Variants in ST6GALNAC3 observed in about 807,000 individuals in gnomAD.
ST6GALNAC3 encodes the protein alpha-N-acetylgalactosaminide alpha-2,6-sialyltransferase 3.
ST6GALNAC3 carries 25 observed loss-of-function variants against 32.7 expected under a neutral mutation model. The observed-to-expected ratio is 0.76, with a 90% confidence interval of 0.56 to 1.07. The LOEUF (loss-of-function observed/expected upper bound fraction) is 1.07, where lower values mean the gene tolerates loss of function less well. ST6GALNAC3 is among the 50% of genes least tolerant of loss of function. The pLI, the probability that ST6GALNAC3 is intolerant of heterozygous loss-of-function variation, is 0.00. For synonymous variants in ST6GALNAC3, 129 were observed against 133.1 expected (o/e 0.97, Z 0.21); for missense variants, 355 against 382.4 (o/e 0.93, Z 0.60).
chr1:76,472,600 G>T (rs984278521), intron 3 of ST6GALNAC3, among the ~76,000 whole-genome samples: 1 of 152,008 alleles, frequency 6.6e-6, no homozygotes, highest in African/African-American at 2.4e-5. Context: ...TTACCAAAGC[G>T]CTCACTCTCC....
chr1:76,171,603 G>A (rs1196030524), intron 1 of ST6GALNAC3, among the ~76,000 whole-genome samples: 4 of 150,488 alleles, frequency 2.7e-5, no homozygotes, highest in Non-Finnish European at 5.9e-5. Flanking sequence ...ATGATAAAGG[G>A]GATATCACCA....
chr1:76,205,116 G>A (rs1175491576), intron 1 of ST6GALNAC3, among the ~76,000 whole-genome samples: 3 of 152,140 alleles, frequency 2.0e-5, no homozygotes, highest in African/African-American at 7.2e-5. Context: ...ACAAGGTTTG[G>A]TGCAGTATCA....
chr1:76,622,651 C>T (rs1648721713), intron 3 of ST6GALNAC3, among the ~76,000 whole-genome samples: 1 of 151,826 alleles, frequency 6.6e-6, no homozygotes, highest in Non-Finnish European at 1.5e-5. Flanking sequence ...TTATCCTGTC[C>T]AAAATGTTAA....
chr1:76,593,952 C>T (rs763908604), intron 3 of ST6GALNAC3, among the ~76,000 whole-genome samples: 1 of 152,110 alleles, frequency 6.6e-6, no homozygotes, highest in Non-Finnish European at 1.5e-5. Flanking sequence ...AGGATTACTA[C>T]GATTCCCACA....
At chr1:76,100,184 TA>T (rs1230176546) in intron 1 of ST6GALNAC3, among the ~76,000 whole-genome samples, 1 of 152,164 alleles carries the variant, frequency 6.6e-6, no homozygotes, top group Non-Finnish European at 1.5e-5. Flanking sequence ...TATCATTTGC[TA>T]AAAATGGCAC....
chr1:76,349,810 C>G (rs1342147446), intron 2 of ST6GALNAC3, among the ~76,000 whole-genome samples: 1 of 152,150 alleles, frequency 6.6e-6, no homozygotes, highest in Non-Finnish European at 1.5e-5. Flanking sequence ...TGTTGTTTCT[C>G]TTTCTAGGTT....
chr1:76,329,893 C>T (rs1320102164), intron 2 of ST6GALNAC3, among the ~76,000 whole-genome samples: 1 of 152,104 alleles, frequency 6.6e-6, no homozygotes, highest in Non-Finnish European at 1.5e-5. Flanking sequence ...ACTGCAACCT[C>T]CATCTCCCAG....
intron 1 of ST6GALNAC3, among the ~76,000 whole-genome samples, chr1:76,253,392 G>A (rs79841811): frequency 0.024 from 3,728 of 152,214 alleles, 63 homozygotes; most frequent in Non-Finnish European, 0.039. Flanking sequence ...GCATGAAGAT[G>A]GAGGCGCTCA....
chr1:76,606,448 A>G (rs1448706595), intron 3 of ST6GALNAC3, among the ~76,000 whole-genome samples: 1 of 152,192 alleles, frequency 6.6e-6, no homozygotes, highest in Non-Finnish European at 1.5e-5. Flanking sequence ...CATTATCCTC[A>G]GCAAACTAAT....
chr1:76,518,791 G>A (rs894197115), intron 3 of ST6GALNAC3, among the ~76,000 whole-genome samples: 42 of 152,100 alleles, frequency 2.8e-4, no homozygotes, highest in Admixed American at 2.8e-3. Context: ...TAGTGGGGGC[G>A]CAGTGGCTCA....
chr1:76,198,991 G>A (rs189081113), intron 1 of ST6GALNAC3, among the ~76,000 whole-genome samples: 8 of 152,254 alleles, frequency 5.3e-5, no homozygotes, highest in Admixed American at 1.3e-4. Context: ...TGGTGAAGAG[G>A]AGATTTCAGA....
intron 3 of ST6GALNAC3, among the ~76,000 whole-genome samples, chr1:76,604,111 A>AC (rs1647373684): frequency 6.6e-6 from 1 of 152,212 alleles, no homozygotes; most frequent in African/African-American, 2.4e-5. Context: ...TATTTGAAAA[A>AC]TGGGAAAAAA....
At chr1:76,528,369 T>G (rs1240961403) in intron 3 of ST6GALNAC3, among the ~76,000 whole-genome samples, 2 of 152,124 alleles carry the variant, frequency 1.3e-5, no homozygotes, top group African/African-American at 2.4e-5. Context: ...AGTTAGTAAT[T>G]CACTGCATCA....
At chr1:76,422,341 G>A (rs1031974918) in intron 3 of ST6GALNAC3, among the ~76,000 whole-genome samples, 2 of 151,978 alleles carry the variant, frequency 1.3e-5, no homozygotes, top group African/African-American at 4.8e-5. Context: ...GTTTAAGGCT[G>A]TTTTTTCTGC....
Position 76,520,781 on chromosome 1 carries a change from T to G in ST6GALNAC3, c.624-106671T>G, listed in dbSNP as rs531147401. ...AGTAATGCTTTCTGTTTGACTAATA[T>G]CAATATAGCCATACCAGTTTTATTT... On this transcript the variant is annotated intron_variant, in intron 3 of 4. Coordinates refer to ENST00000328299, the MANE Select transcript of ST6GALNAC3 (RefSeq NM_152996.4). Among the ~76,000 whole-genome samples, 5 of 152,316 alleles carry G rather than the reference T, an allele frequency of 3.3e-5. No individual in the cohort carries two copies. The East Asian group carries it at 9.7e-4, about 29-fold the overall frequency.
chr1:76,421,206 G>T (rs947383832), intron 3 of ST6GALNAC3, among the ~76,000 whole-genome samples: 1 of 151,974 alleles, frequency 6.6e-6, no homozygotes, highest in Admixed American at 6.6e-5. Flanking sequence ...AACAAGAAGG[G>T]TCACAGCAAT....
rs557188074 is a variant in ST6GALNAC3 at position 76,539,257 on chromosome 1, C to G, written c.624-88195C>G. On this transcript the variant is annotated intron_variant, in intron 3 of 4. Coordinates refer to ENST00000328299, the MANE Select transcript of ST6GALNAC3 (RefSeq NM_152996.4). ...CTTTGACAAACCTGACAAAAACAAGCAATGGGGAAATGATCTCCTATTCAA... is the reference window on the plus strand; with the variant it reads ...CTTTGACAAACCTGACAAAAACAAGGAATGGGGAAATGATCTCCTATTCAA... 1.2e-3 allele frequency among the ~76,000 whole-genome samples: 189 copies of G among 152,236 alleles called. 1 individual carries two copies. Among genetic ancestry groups the G allele is most frequent in the South Asian group, 2.5e-3 (12 of 4,810 alleles).
chr1:76,472,439 C>G (rs1659090955), intron 3 of ST6GALNAC3, among the ~76,000 whole-genome samples: 1 of 151,982 alleles, frequency 6.6e-6, no homozygotes, highest in South Asian at 2.1e-4. Flanking sequence ...TGTGTGAGAA[C>G]AATTTTAGGG....
chr1:76,181,897 T>A (rs539264812), intron 1 of ST6GALNAC3, among the ~76,000 whole-genome samples: 1 of 152,300 alleles, frequency 6.6e-6, no homozygotes, highest in South Asian at 2.1e-4. Flanking sequence ...AGGAACCAGC[T>A]GGAGGCAGAT....
Sources: gnomAD v4.1 joint callset for allele counts (sites outside exome capture counted in the v4.1 genomes callset) on GRCh38, gnomAD v4.1.1 for gene constraint, MANE v1.5 for transcripts, NCBI Gene and HGNC (gene_info 2026-07-23, HGNC 2026-07-21) for gene names.